MKNK1: variants seen among roughly 807,000 people sequenced by gnomAD.
The protein encoded by MKNK1 is MAPK interacting serine/threonine kinase 1, also known as MAP kinase-interacting serine/threonine-protein kinase 1.
Under a neutral mutation model 49.3 loss-of-function variants are expected in MKNK1, and 30 were observed. That is an observed-to-expected ratio of 0.61 (90% CI 0.46 to 0.83). The LOEUF is 0.83. Ranked by LOEUF, MKNK1 falls within the 40% of genes least tolerant of loss-of-function variation. MKNK1 has a pLI of 0.00. For synonymous variants in MKNK1, 176 were observed against 201.7 expected (o/e 0.87, Z 1.08); for missense variants, 423 against 524.7 (o/e 0.81, Z 1.89).
At chr1:46,604,036 T>TC (rs3215989) in intron 1 of MKNK1, 149 bp downstream of exon 1, 36,449 of 151,818 alleles carry the variant, frequency 0.24, 5,229 homozygotes, top group East Asian at 0.67. Context: ...CTGAAAAGCG[T>TC]CCCCTTAGGC....
At chr1:46,599,614 T>G (rs1674485683) in intron 1 of MKNK1, among the ~76,000 whole-genome samples, 1 of 152,198 alleles carries the variant, frequency 6.6e-6, no homozygotes, top group Non-Finnish European at 1.5e-5. Flanking sequence ...TGCTCCAGTC[T>G]AACCTCCGTC....
At position 46,560,266 on chromosome 1, in the gene MKNK1, T is replaced by C; in HGVS notation, c.981A>G (p.Glu327=). 1 of 1,614,128 alleles carries C rather than the reference T, an allele frequency of 6.2e-7. No individual in the cohort carries two copies. The highest frequency in any genetic ancestry group is 1.1e-5 in the South Asian group (1 of 91,086). ...GGACTTGCGGCGTGGGGAGTCCCTT[T>C]TCTGGAGCTTGCTAGAATGGGAAGG... ...QHPWVQGQAP[E]KGLPTPQVLQ... is the part of the protein sequence containing the mutation. Residue 327 remains glutamate, a synonymous_variant, in exon 12 of 13, where the codon GAA becomes GAG. Transcript: ENST00000371945.
intron 8 of MKNK1, 156 bp from the exon 9 acceptor site, chr1:46,565,292 C>T (rs1201630982): frequency 3.0e-6 from 2 of 664,686 alleles, no homozygotes; most frequent in Non-Finnish European, 5.4e-6. Context: ...AAGAAGTCCC[C>T]TGAGGATTTC....
At chr1:46,600,426 T>G (rs1171875385) in intron 1 of MKNK1, among the ~76,000 whole-genome samples, 1 of 152,266 alleles carries the variant, frequency 6.6e-6, no homozygotes, top group South Asian at 2.1e-4. Context: ...ACTGAGTTCA[T>G]TCTAAAACTG....
intron 2 of MKNK1, chr1:46,584,891 T>C (rs1308045787): frequency 1.3e-5 from 2 of 152,094 alleles, no homozygotes; most frequent in Non-Finnish European, 2.9e-5. Context: ...TCTCAAAATA[T>C]AACTCTAGCC....
Position 46,562,695 on chromosome 1 carries a change from C to A in MKNK1, c.758G>T (p.Gly253Val). ...GCCCCGGTCCCAGCCACAGTCGGCC[C>A]CGCAGTGACCCACGAAGGGTGGGTA... is the stretch of plus-strand genomic sequence containing the variant. ...SGYPPFVGHC[G>V]ADCGWDRGEV... The change falls in exon 10 of 13, where the codon GGG becomes GTG. Residue 253 changes from glycine to valine, a missense_variant. Transcript: ENST00000371945. 6.4e-7 allele frequency: 1 copy of A among 1,570,954 alleles called. No homozygotes were observed. Among genetic ancestry groups the A allele is most frequent in the East Asian group, 2.3e-5 (1 of 42,826 alleles).
At chr1:46,570,991 C>A (rs1282628233) in intron 7 of MKNK1, among the ~76,000 whole-genome samples, 1 of 152,152 alleles carries the variant, frequency 6.6e-6, no homozygotes, top group Non-Finnish European at 1.5e-5. Flanking sequence ...ACTGAGAGAA[C>A]ACATAGCTAG....
At chr1:46,571,708 T>C (rs1350578939) in intron 7 of MKNK1, among the ~76,000 whole-genome samples, 2 of 152,220 alleles carry the variant, frequency 1.3e-5, no homozygotes, top group Admixed American at 1.3e-4. Flanking sequence ...GAAGGTTGTA[T>C]TGTGTATGAG....
chr1:46,588,537 G>A (rs1672895304), intron 2 of MKNK1, among the ~76,000 whole-genome samples: 1 of 152,186 alleles, frequency 6.6e-6, no homozygotes. Context: ...GCCGGGCGTG[G>A]TGGCTCACGC....
intron 10 of MKNK1, 27 bp downstream of exon 10, chr1:46,562,622 C>T (rs563905702): frequency 9.1e-6 from 14 of 1,546,960 alleles, no homozygotes; most frequent in East Asian, 4.9e-5. Context: ...GCAGGGTCTA[C>T]GCAGTGCTCC....
chr1:46,598,648 A>G (rs1398179254), intron 1 of MKNK1, among the ~76,000 whole-genome samples: 6 of 152,178 alleles, frequency 3.9e-5, no homozygotes, highest in Non-Finnish European at 8.8e-5. Flanking sequence ...CCATGAGGTA[A>G]GTAATATTTG....
At chr1:46,582,713 C>T (rs995283014) in intron 3 of MKNK1, 7 of 365,412 alleles carry the variant, frequency 1.9e-5, no homozygotes, top group African/African-American at 1.3e-4. Context: ...TGTCTGATGA[C>T]CCAACATCGT....
At chr1:46,561,663 C>T in intron 10 of MKNK1, 21 bp from the exon 11 acceptor site, 1 of 1,611,674 alleles carries the variant, frequency 6.2e-7, no homozygotes, top group Non-Finnish European at 8.5e-7. Context: ...AAGATTCCTC[C>T]TGAGGCCACA....
chr1:46,593,253 C>CA (rs1297497122), intron 2 of MKNK1, among the ~76,000 whole-genome samples: 1 of 152,294 alleles, frequency 6.6e-6, no homozygotes, highest in African/African-American at 2.4e-5. Flanking sequence ...GGCTGGAGTG[C>CA]AGTGGCACAA....
rs764607258 is a variant in MKNK1 at position 46,558,673 on chromosome 1, T to A, written c.1141A>T (p.Met381Leu). The A allele has an allele frequency of 3.1e-6, 5 of 1,614,180 alleles. No homozygotes were observed. The highest frequency in any genetic ancestry group is 3.3e-5 in the Admixed American group (2 of 60,026). ...PEALADGLCS[M>L]KLSPPCKSRL... ...GACTTGCAGGGAGGGGAAAGCTTCA[T>A]GGAGCAGAGGCCATCAGCTAGTGCC... Residue 381 changes from methionine to leucine, a missense_variant, in exon 13 of 13, where the codon ATG (methionine) becomes TTG (leucine). Coordinates refer to ENST00000371945, the MANE Select transcript of MKNK1 (RefSeq NM_001135553.4).
At position 46,594,403 on chromosome 1, in the gene MKNK1, G is replaced by A. The variant is rs570486709; in HGVS notation, c.-170-123C>T. ...GTTACCCCACTAAGTAGATATACAC[G>A]CAGCAATCACAGGTTTCCCATCTTT... is the stretch of plus-strand genomic sequence containing the variant. On this transcript the variant is annotated intron_variant, in intron 1 of 12. Transcript: ENST00000371945. 301 of 512,708 alleles carry A rather than the reference G, an allele frequency of 5.9e-4. 3 individuals are homozygous for A. In the South Asian group the frequency reaches 6.6e-3, roughly 11 times the overall value. The allele number at this position is 512,708 out of a possible 1,614,324, so 31.8% of individuals were successfully genotyped here.
At position 46,558,377 on chromosome 1, in the gene MKNK1, C is replaced by A. The variant is rs1667337610; in HGVS notation, c.*198G>T. ...GATTGCTTTCCTTTTCAAAGACAACCCCTTTGGAAAAAGCTTTTTCCTCCA... is the reference window on the plus strand; with the variant it reads ...GATTGCTTTCCTTTTCAAAGACAACACCTTTGGAAAAAGCTTTTTCCTCCA... On this transcript the variant is annotated 3_prime_UTR_variant, in exon 13 of 13. Transcript: ENST00000371945. The A allele has an allele frequency of 2.0e-5, 11 of 556,072 alleles. No individual in the cohort carries two copies. Among genetic ancestry groups the A allele is most frequent in the Middle Eastern group, 4.7e-4 (1 of 2,142 alleles). The allele number at this position is 556,072 out of a possible 1,614,324, so 34.4% of individuals were successfully genotyped here.
In MKNK1 at chr1:46,560,615, A is replaced by G. The variant is rs139572719; in HGVS notation, c.970-338T>C. ...TTCCTGCCTCAGTCTCAGGCCCGGGATGGGGAGTGGGGTCTTGCTCCCTTT... is the reference window on the plus strand; with the variant it reads ...TTCCTGCCTCAGTCTCAGGCCCGGGGTGGGGAGTGGGGTCTTGCTCCCTTT... On this transcript the variant is annotated intron_variant, in intron 11 of 12. Transcript: ENST00000371945. Among the ~76,000 whole-genome samples, 802 of 152,210 alleles carry G rather than the reference A, an allele frequency of 5.3e-3. 9 individuals carry two copies. The highest frequency in any genetic ancestry group is 0.032 in the South Asian group (154 of 4,808).
At position 46,558,777 on chromosome 1, in the gene MKNK1, G is replaced by C; in HGVS notation, c.1037C>G (p.Thr346Arg). 6.2e-7 allele frequency: 1 copy of C among 1,613,992 alleles called. No individual in the cohort carries two copies. The highest frequency in any genetic ancestry group is 8.5e-7 in the Non-Finnish European group (1 of 1,179,970). ...LQRNSSTMDLTLFAAEAIALN... is the reference protein window; with the variant it reads ...LQRNSSTMDLRLFAAEAIALN... ...GGCGATGGCCTCAGCTGCGAAGAGC[G>C]TCAGGTCCATTGTGCTGCTGTTCCT... Residue 346 changes from threonine (T) to arginine (R), a missense_variant, in exon 13 of 13, where the codon ACG becomes AGG. By Grantham distance (71) the Thr-to-Arg change is moderately conservative. Coordinates refer to ENST00000371945, the MANE Select transcript of MKNK1 (RefSeq NM_001135553.4).
Sources: gnomAD v4.1 joint callset for allele counts (sites outside exome capture counted in the v4.1 genomes callset) on GRCh38, gnomAD v4.1.1 for gene constraint, MANE v1.5 for transcripts, NCBI Gene and HGNC (gene_info 2026-07-23, HGNC 2026-07-21) for gene names.